RELN: variants seen among roughly 807,000 people sequenced by gnomAD.
The protein encoded by RELN is reelin.
RELN carries 108 observed loss-of-function variants against 427.6 expected under a neutral mutation model. That is an observed-to-expected ratio of 0.25 (90% CI 0.22 to 0.30). The LOEUF is 0.30. RELN is among the 10% of genes least tolerant of loss of function. The probability of loss-of-function intolerance (pLI) is 1.00; values close to 1 mark genes in which losing one functional copy is unlikely to be tolerated. For synonymous variants in RELN, 1,524 were observed against 1,513.4 expected, an observed-to-expected ratio of 1.01 and a Z score of -0.16; for missense variants, 3,715 against 4,302.8, an observed-to-expected ratio of 0.86 and a Z score of 3.82.
chr7:103,653,032 G>C (rs748918054), intron 13 of RELN, among the ~76,000 whole-genome samples: 19 of 151,984 alleles, frequency 1.3e-4, no homozygotes, highest in Non-Finnish European at 2.5e-4. Context: ...ACTGATATAA[G>C]GTCTTTAAGA....
At chr7:103,917,211 A>C (rs546424978) in intron 1 of RELN, 26 bp from the exon 2 acceptor site, 158 of 1,510,158 alleles carry the variant, frequency 1.0e-4, no homozygotes, top group African/African-American at 6.6e-4. Flanking sequence ...GAAAAAAAAA[A>C]CTCTCAATAC....
At position 103,988,340 on chromosome 7, in the gene RELN, G is replaced by T. The variant is rs557151870; in HGVS notation, c.226+791C>A. 6.6e-6 allele frequency among the ~76,000 whole-genome samples: 1 copy of T among 152,108 alleles called. No individual in the cohort carries two copies. The highest frequency in any genetic ancestry group is 2.4e-5 in the African/African-American group (1 of 41,474). ...TCTGTAATGTTTATTTTTGATGCAGGGCTGCATAATGATTCCATTTTTAAG... is the reference window on the plus strand; with the variant it reads ...TCTGTAATGTTTATTTTTGATGCAGTGCTGCATAATGATTCCATTTTTAAG... On this transcript the variant is annotated intron_variant, in intron 1 of 64. Coordinates refer to ENST00000428762, the MANE Select transcript of RELN (RefSeq NM_005045.4). This position sits in a 1 kb window ranked among gnomAD's most constrained non-coding sequence, Gnocchi z 4.9.
At chr7:103,629,255 T>C (rs944756745) in intron 20 of RELN, among the ~76,000 whole-genome samples, 2 of 152,196 alleles carry the variant, frequency 1.3e-5, no homozygotes, top group Non-Finnish European at 2.9e-5. Context: ...CTGATGTACA[T>C]GAAGTACTAA....
chr7:103,973,406 CT>C (rs1796804639), intron 1 of RELN, among the ~76,000 whole-genome samples: 1 of 151,870 alleles, frequency 6.6e-6, no homozygotes, highest in Non-Finnish European at 1.5e-5. Flanking sequence ...AAATATTTAC[CT>C]TGTCTATGAT....
intron 20 of RELN, among the ~76,000 whole-genome samples, chr7:103,627,332 A>G (rs1362689804): frequency 6.6e-6 from 1 of 152,172 alleles, no homozygotes; most frequent in Non-Finnish European, 1.5e-5. Flanking sequence ...TATAATAAAT[A>G]GTTGGTCAAT....
chr7:103,670,439 G>T (rs1197561725), intron 11 of RELN, among the ~76,000 whole-genome samples: 2 of 151,950 alleles, frequency 1.3e-5, no homozygotes, highest in African/African-American at 2.4e-5. Flanking sequence ...AAATAATGAA[G>T]GTCTATATTT....
chr7:103,792,817 A>G (rs1443741530), intron 3 of RELN, among the ~76,000 whole-genome samples: 2 of 152,186 alleles, frequency 1.3e-5, no homozygotes, highest in Non-Finnish European at 2.9e-5. Context: ...TTATTAAAAA[A>G]TAAAATGGAA....
chr7:103,710,827 C>T (rs1043103842), intron 8 of RELN, among the ~76,000 whole-genome samples: 1 of 152,176 alleles, frequency 6.6e-6, no homozygotes, highest in Non-Finnish European at 1.5e-5. Context: ...TGGTGGATCA[C>T]GATGTCAAGA....
chr7:103,773,142 TTCTTTCTTTCTTTCTTTC>T (rs1563004313), intron 4 of RELN, among the ~76,000 whole-genome samples: 2 of 132,126 alleles, frequency 1.5e-5, no homozygotes, highest in East Asian at 4.6e-4. Context: ...CTTTCTTTCT[TTCTTTCTTTCTTTCTTTC>T]TTTCTTTTTC....
chr7:103,967,094 A>G (rs1180884126), intron 1 of RELN, among the ~76,000 whole-genome samples: 3 of 152,184 alleles, frequency 2.0e-5, no homozygotes, highest in African/African-American at 7.2e-5. Flanking sequence ...CACTAACAGG[A>G]TAGGCCCTTT....
In RELN at chr7:103,708,464, C is replaced by CTTTTTTTTTTTTTTTTTTTTTTTT. The variant is rs745955015; in HGVS notation, c.806-7459_806-7458insAAAAAAAAAAAAAAAAAAAAAAAA. Reference sequence around the variant, plus strand: ...CACCCAAACACCAGTGGGTATGACTCTTTTTTTTTTTTTTTTTGAGACGGA... The same window carrying CTTTTTTTTTTTTTTTTTTTTTTTT: ...CACCCAAACACCAGTGGGTATGACTCTTTTTTTTTTTTTTTTTTTTTTTTTTTTTTTTTTTTTTTTTGAGACGGA... On this transcript the variant is annotated intron_variant, in intron 8 of 64. Coordinates refer to ENST00000428762, the MANE Select transcript of RELN (RefSeq NM_005045.4). Among the ~76,000 whole-genome samples the CTTTTTTTTTTTTTTTTTTTTTTTT allele has an allele frequency of 1.0e-4, 11 of 110,038 alleles. 2 individuals carry two copies. Among genetic ancestry groups the CTTTTTTTTTTTTTTTTTTTTTTTT allele is most frequent in the African/African-American group, 4.0e-4 (9 of 22,602 alleles). The allele number at this position is 110,038 out of a possible 152,430, so 72.2% of individuals were successfully genotyped here. A position where few individuals can be genotyped will look rare whatever the true frequency, so the allele number is the denominator to read the frequency against.
rs1795530975 is a variant in RELN, at chr7:103,918,202, A to G, written c.227-1017T>C. Among the ~76,000 whole-genome samples, 3 of 152,132 alleles carry G rather than the reference A, an allele frequency of 2.0e-5. No individual in the cohort carries two copies. In the South Asian group the frequency reaches 6.2e-4, roughly 32 times the overall value. On this transcript the variant is annotated intron_variant, in intron 1 of 64. Transcript: ENST00000428762. Reference sequence around the variant, plus strand: ...CATATCAATAGAATAGCCTGACATCATGCTACTCCCATAATGGCATGGGGG... The same window carrying G: ...CATATCAATAGAATAGCCTGACATCGTGCTACTCCCATAATGGCATGGGGG...
intron 8 of RELN, among the ~76,000 whole-genome samples, chr7:103,722,809 A>G (rs1414767637): frequency 6.6e-6 from 1 of 152,178 alleles, no homozygotes; most frequent in Non-Finnish European, 1.5e-5. Context: ...ACATATTTCA[A>G]TCTTAATCTG....
chr7:103,586,517 A>T (rs1234859869), intron 28 of RELN, among the ~76,000 whole-genome samples: 1 of 152,224 alleles, frequency 6.6e-6, no homozygotes, highest in Middle Eastern at 3.2e-3. Context: ...TCAACATAGT[A>T]CTAGAAGTCT....
chr7:103,794,160 T>A (rs1484587301), intron 3 of RELN, among the ~76,000 whole-genome samples: 1 of 152,184 alleles, frequency 6.6e-6, no homozygotes, highest in Non-Finnish European at 1.5e-5. Context: ...AGACTAGTGA[T>A]TCTAGAAATG....
intron 41 of RELN, among the ~76,000 whole-genome samples, chr7:103,547,681 T>C (rs1423554146): frequency 6.6e-6 from 1 of 152,226 alleles, no homozygotes; most frequent in Non-Finnish European, 1.5e-5. Flanking sequence ...AGTTTAGTCT[T>C]GGCAAGAAGC....
intron 4 of RELN, among the ~76,000 whole-genome samples, chr7:103,757,497 G>A (rs575633597): frequency 7.2e-5 from 11 of 152,170 alleles, no homozygotes; most frequent in East Asian, 5.8e-4. Flanking sequence ...AAAATTGCAC[G>A]ATTAAAACCT....
In RELN at chr7:103,796,902, AG is replaced by A. The variant is rs1216082250; in HGVS notation, c.474-20276del. On this transcript the variant is annotated intron_variant, in intron 3 of 64. Coordinates refer to ENST00000428762, the MANE Select transcript of RELN (RefSeq NM_005045.4). ...AAAAAAAAAAAAAAAAAAGAAAGAA[AG>A]AAAAAGAAAAAGAAAAAGAAAGTAA... is the stretch of plus-strand genomic sequence containing the variant. Among the ~76,000 whole-genome samples, 400 of 139,834 alleles carry A rather than the reference AG, an allele frequency of 2.9e-3. 7 individuals are homozygous for A. The highest frequency in any genetic ancestry group is 0.011 in the African/African-American group (378 of 33,528). The allele number at this position is 139,834 out of a possible 152,430, so 91.7% of individuals were successfully genotyped here. A position where few individuals can be genotyped will look rare whatever the true frequency, so the allele number is the denominator to read the frequency against.
At chr7:103,714,732 G>A (rs1040003908) in intron 8 of RELN, among the ~76,000 whole-genome samples, 9 of 152,110 alleles carry the variant, frequency 5.9e-5, no homozygotes, top group Admixed American at 2.0e-4. Context: ...TTACTGTATC[G>A]GATAATGCTT....
Sources: gnomAD v4.1 joint callset for allele counts (sites outside exome capture counted in the v4.1 genomes callset) on GRCh38, gnomAD v4.1.1 for gene constraint, Gnocchi (gnomAD v3.1) non-coding constraint, MANE v1.5 for transcripts, NCBI Gene and HGNC (gene_info 2026-07-23, HGNC 2026-07-21) for gene names.